The following TRPM3 variants were observed in gnomAD, a reference collection of about 807,000 sequenced individuals.
TRPM3 encodes the protein transient receptor potential cation channel subfamily M member 3.
A neutral mutation model predicts 181.2 loss-of-function variants in TRPM3; 77 were observed. The ratio of observed to expected loss-of-function variants is 0.42; its 90% CI spans 0.35 to 0.51. TRPM3 has a LOEUF of 0.51. Among genes scored for constraint, TRPM3 ranks in the 20% least tolerant of loss-of-function variants. TRPM3 has a pLI of 0.01. For synonymous variants in TRPM3, 745 were observed against 796.4 expected (o/e 0.94, Z 1.09); for missense variants, 1,759 against 2,196.7 (o/e 0.80, Z 3.98).
intron 9 of TRPM3, among the ~76,000 whole-genome samples, chr9:70,668,996 G>A (rs946240702): frequency 1.3e-5 from 2 of 152,174 alleles, no homozygotes; most frequent in Non-Finnish European, 2.9e-5. Context: ...GCTCAGAAGC[G>A]TTGGGATGGC....
At chr9:70,785,982 G>C (rs2083497906) in intron 6 of TRPM3, among the ~76,000 whole-genome samples, 1 of 152,132 alleles carries the variant, frequency 6.6e-6, no homozygotes, top group Non-Finnish European at 1.5e-5. Context: ...GGGAGGTCTT[G>C]AGAATTACTC....
chr9:70,598,413 G>C lies in TRPM3; in HGVS notation c.3048+6C>G. 1 of 1,611,946 alleles carries C rather than the reference G, an allele frequency of 6.2e-7. No individual in the cohort carries two copies. Among genetic ancestry groups the C allele is most frequent in the Non-Finnish European group, 8.5e-7 (1 of 1,178,130 alleles). ...TTATAACATGGAATCAGAAGACCCT[G>C]CTTACCATTTTTCCAATCATCATTA... On this transcript the variant is annotated splice_donor_region_variant and intron_variant, in intron 21 of 25. Transcript: ENST00000677713.
At chr9:71,425,064 A>ACTCTTGGC (rs1376681620) in intron 1 of TRPM3, among the ~76,000 whole-genome samples, 1 of 150,198 alleles carries the variant, frequency 6.7e-6, no homozygotes, top group Non-Finnish European at 1.5e-5. Context: ...AAGACCTTCC[A>ACTCTTGGC]CTCTTGGCCT....
intron 1 of TRPM3, among the ~76,000 whole-genome samples, chr9:71,324,126 C>A (rs895781212): frequency 5.9e-5 from 9 of 151,902 alleles, no homozygotes; most frequent in African/African-American, 1.9e-4. Context: ...AATGCATTCA[C>A]CTGGTATGAG....
chr9:71,381,238 T>C (rs1298823082), intron 1 of TRPM3, among the ~76,000 whole-genome samples: 2 of 151,948 alleles, frequency 1.3e-5, no homozygotes, highest in African/African-American at 2.4e-5. Flanking sequence ...ACAAAGAAAA[T>C]TGAAATTAAA....
At chr9:71,156,663 T>C (rs1182791947) in intron 1 of TRPM3, among the ~76,000 whole-genome samples, 3 of 152,140 alleles carry the variant, frequency 2.0e-5, no homozygotes, top group Admixed American at 6.6e-5. Context: ...AGACAAAATC[T>C]ACTTATATTT....
chr9:71,408,382 G>T (rs1227244801), intron 1 of TRPM3, among the ~76,000 whole-genome samples: 1 of 152,134 alleles, frequency 6.6e-6, no homozygotes, highest in Non-Finnish European at 1.5e-5. Flanking sequence ...TGGCTAACAA[G>T]AATAGAGAGC....
intron 1 of TRPM3, among the ~76,000 whole-genome samples, chr9:71,371,546 T>C (rs1565507785): frequency 1.3e-5 from 2 of 152,172 alleles, no homozygotes; most frequent in East Asian, 3.9e-4. Flanking sequence ...TTGCTGCAGT[T>C]TCATAAAATT....
intron 22 of TRPM3, among the ~76,000 whole-genome samples, chr9:70,568,232 A>G (rs2132114909): frequency 6.6e-6 from 1 of 152,198 alleles, no homozygotes; most frequent in East Asian, 1.9e-4. Context: ...TTTTTATATG[A>G]TCTTCAAATA....
At chr9:71,055,746 A>G (rs1317837810) in intron 1 of TRPM3, among the ~76,000 whole-genome samples, 1 of 152,004 alleles carries the variant, frequency 6.6e-6, no homozygotes, top group Non-Finnish European at 1.5e-5. Flanking sequence ...CTACAGTTCA[A>G]TGTTAGTGTA....
chr9:70,808,137 T>C (rs1369793450), intron 6 of TRPM3, among the ~76,000 whole-genome samples: 4 of 152,138 alleles, frequency 2.6e-5, no homozygotes, highest in Non-Finnish European at 4.4e-5. Flanking sequence ...AGGAAGATAT[T>C]GGGTTCCATC....
chr9:71,193,504 T>C (rs375675670), intron 1 of TRPM3, among the ~76,000 whole-genome samples: 1 of 151,960 alleles, frequency 6.6e-6, no homozygotes, highest in South Asian at 2.1e-4. Flanking sequence ...TCCTAAAATA[T>C]CTATTTTCCC....
chr9:70,880,023 C>T (rs13283806), intron 1 of TRPM3, among the ~76,000 whole-genome samples: 46,764 of 151,940 alleles, frequency 0.31, 7,298 homozygotes, highest in East Asian at 0.36. Flanking sequence ...TGATAAAAGA[C>T]AAATTATGTA....
At chr9:70,676,588 G>A (rs2064062114) in intron 9 of TRPM3, among the ~76,000 whole-genome samples, 1 of 152,082 alleles carries the variant, frequency 6.6e-6, no homozygotes, top group Admixed American at 6.5e-5. Context: ...ATTAAGGCAG[G>A]GCCAGCTGAG....
chr9:71,209,546 T>C (rs112873172), intron 1 of TRPM3, among the ~76,000 whole-genome samples: 1,644 of 152,282 alleles, frequency 0.011, 27 homozygotes, highest in East Asian at 0.075. Flanking sequence ...CTGCCAAATA[T>C]TGGCACACCA....
intron 1 of TRPM3, among the ~76,000 whole-genome samples, chr9:71,003,156 A>G (rs2097630101): frequency 6.7e-6 from 1 of 149,220 alleles, no homozygotes; most frequent in African/African-American, 2.5e-5. Context: ...CCAAGACTAG[A>G]TTCAGTTTAA....
At position 70,598,782 on chromosome 9, in the gene TRPM3, A is replaced by G. The variant is rs1046469444; in HGVS notation, c.2797-112T>C. The G allele has an allele frequency of 1.2e-5, 16 of 1,283,148 alleles. No homozygotes were observed. The South Asian group carries it at 1.7e-4, about 14-fold the overall frequency. 79.5% of individuals were successfully genotyped at this position (1,283,148 alleles called of 1,614,324 possible). A position where few individuals can be genotyped will look rare whatever the true frequency, so the allele number is the denominator to read the frequency against. Reference sequence around the variant, plus strand: ...TGTTAGTAGCTTGCTTTGTCTACCTATATCTACTTAAATACTTGCATGCTG... The same window carrying G: ...TGTTAGTAGCTTGCTTTGTCTACCTGTATCTACTTAAATACTTGCATGCTG... On this transcript the variant is annotated intron_variant, in intron 20 of 25. Coordinates refer to ENST00000677713, the MANE Select transcript of TRPM3 (RefSeq NM_001366145.2).
At chr9:71,030,451 G>A (rs572211873) in intron 1 of TRPM3, among the ~76,000 whole-genome samples, 1 of 152,008 alleles carries the variant, frequency 6.6e-6, no homozygotes, top group Non-Finnish European at 1.5e-5. Flanking sequence ...TGTAATTCTA[G>A]CTACTTGGGA....
intron 1 of TRPM3, among the ~76,000 whole-genome samples, chr9:71,039,352 C>T (rs1183906680): frequency 6.6e-6 from 1 of 152,152 alleles, no homozygotes; most frequent in Non-Finnish European, 1.5e-5. Flanking sequence ...ATGCCAAGCA[C>T]ATTAAGTACT....
Sources: allele counts gnomAD v4.1 joint callset (sites outside exome capture counted in the v4.1 genomes callset), GRCh38; gene constraint gnomAD v4.1.1; transcripts MANE v1.5; gene names NCBI Gene and HGNC (gene_info 2026-07-23, HGNC 2026-07-21).